MAPKAP1: variants seen among roughly 807,000 people sequenced by gnomAD.
MAPKAP1 encodes the protein target of rapamycin complex 2 subunit MAPKAP1.
Under a neutral mutation model 65.7 loss-of-function variants are expected in MAPKAP1, and 20 were observed. That is an observed-to-expected ratio of 0.30 (90% confidence interval 0.21 to 0.44). The LOEUF is 0.44. Ranked by LOEUF, MAPKAP1 falls within the 20% of genes least tolerant of loss-of-function variation. MAPKAP1 has a pLI of 1.00. For missense variants in MAPKAP1, 423 were observed against 648.0 expected, an observed-to-expected ratio of 0.65 and a Z score of 3.77; for synonymous variants, 222 against 244.3, an observed-to-expected ratio of 0.91 and a Z score of 0.85.
chr9:125,701,140 T>C (rs982184415), intron 1 of MAPKAP1, among the ~76,000 whole-genome samples: 8 of 152,190 alleles, frequency 5.3e-5, no homozygotes, highest in African/African-American at 1.9e-4. Context: ...AACAGAAAGC[T>C]TGGCATCCCG....
At chr9:125,487,470 C>T (rs186502612) in intron 8 of MAPKAP1, among the ~76,000 whole-genome samples, 12 of 152,180 alleles carry the variant, frequency 7.9e-5, no homozygotes, top group African/African-American at 2.9e-4. Flanking sequence ...TTCAAGTCAT[C>T]TTTTCTGAGA....
chr9:125,677,811 T>G (rs971924244), intron 1 of MAPKAP1, among the ~76,000 whole-genome samples: 1 of 152,244 alleles, frequency 6.6e-6, no homozygotes, highest in Non-Finnish European at 1.5e-5. Context: ...TCACACTTTT[T>G]AACACCACGT....
intron 7 of MAPKAP1, among the ~76,000 whole-genome samples, chr9:125,540,998 A>G (rs1363524762): frequency 6.6e-6 from 1 of 152,276 alleles, no homozygotes; most frequent in Non-Finnish European, 1.5e-5. Flanking sequence ...CAGACTTATT[A>G]AAGCTACAGA....
At chr9:125,526,701 T>G (rs1169591808) in intron 7 of MAPKAP1, among the ~76,000 whole-genome samples, 1 of 152,102 alleles carries the variant, frequency 6.6e-6, no homozygotes, top group Non-Finnish European at 1.5e-5. Flanking sequence ...CTCCAGAAGT[T>G]GAAAGTAAGA....
At chr9:125,639,644 T>C (rs946029518) in intron 4 of MAPKAP1, among the ~76,000 whole-genome samples, 11 of 152,152 alleles carry the variant, frequency 7.2e-5, no homozygotes, top group South Asian at 2.1e-4. Flanking sequence ...AAAGAGACGA[T>C]TGTTGTGGAA....
chr9:125,488,626 G>A (rs377020212), intron 8 of MAPKAP1, among the ~76,000 whole-genome samples: 7 of 152,302 alleles, frequency 4.6e-5, no homozygotes, highest in East Asian at 3.9e-4. Context: ...GATTACAGGC[G>A]TGAGCCACCG....
chr9:125,593,850 C>T (rs1382875470), intron 4 of MAPKAP1, among the ~76,000 whole-genome samples: 1 of 152,214 alleles, frequency 6.6e-6, no homozygotes, highest in African/African-American at 2.4e-5. Flanking sequence ...CTAGACTCAA[C>T]TTCATATCCC....
intron 4 of MAPKAP1, among the ~76,000 whole-genome samples, chr9:125,624,405 G>A (rs1356040152): frequency 5.4e-5 from 5 of 91,880 alleles, no homozygotes; most frequent in Non-Finnish European, 1.2e-4. Context: ...CCCCCATCCC[G>A]GCCAGCCGCC....
intron 4 of MAPKAP1, among the ~76,000 whole-genome samples, chr9:125,635,709 T>C (rs1833403904): frequency 6.6e-6 from 1 of 152,226 alleles, no homozygotes; most frequent in African/African-American, 2.4e-5. Flanking sequence ...CTAAATGATG[T>C]AAAGATGATT....
chr9:125,459,212 C>G (rs1305865367), intron 10 of MAPKAP1, among the ~76,000 whole-genome samples: 2 of 144,974 alleles, frequency 1.4e-5, no homozygotes, highest in Non-Finnish European at 3.0e-5. Context: ...ACATCTCAGA[C>G]GATGGGCGGC....
Position 125,506,366 on chromosome 9 carries a change from A to G in MAPKAP1, c.1010T>C (p.Leu337Pro), listed in dbSNP as rs762808326. 6 of 1,614,044 alleles carry G rather than the reference A, an allele frequency of 3.7e-6. No homozygotes were observed. Among genetic ancestry groups the G allele is most frequent in the Non-Finnish European group, 5.1e-6 (6 of 1,180,032 alleles). ...GCTCTGGCTCTCCAAAGTGCTGTCC[A>G]GGTCAACGGCGACATTGGGCTCGCT... is the stretch of plus-strand genomic sequence containing the variant. The part of the protein sequence containing the change: ...KQSEPNVAVD[L>P]DSTLESQSAW... The change falls in exon 8 of 12, where the codon CTG becomes CCG. Residue 337 changes from leucine (L) to proline (P), a missense_variant. Leu to Pro is a moderately conservative substitution (Grantham distance 98, BLOSUM62 -3). This residue lies in a region of MAPKAP1 where 185 missense variants were observed against 268.1 expected (regional missense o/e 0.69). Transcript: ENST00000265960.
At chr9:125,496,919 C>T (rs1854970556) in intron 8 of MAPKAP1, among the ~76,000 whole-genome samples, 2 of 152,074 alleles carry the variant, frequency 1.3e-5, no homozygotes, top group Non-Finnish European at 2.9e-5. Context: ...GCCACAGACA[C>T]CAGGATGCAG....
In MAPKAP1 at chr9:125,637,922, A is replaced by G. The variant is rs149579319; in HGVS notation, c.498+19729T>C. Among the ~76,000 whole-genome samples, 464 of 152,136 alleles carry G rather than the reference A, an allele frequency of 3.0e-3. 2 individuals are homozygous for G. Among genetic ancestry groups the G allele is most frequent in the African/African-American group, 4.5e-3 (186 of 41,500 alleles). On this transcript the variant is annotated intron_variant, in intron 4 of 11. Coordinates refer to ENST00000265960, the MANE Select transcript of MAPKAP1 (RefSeq NM_001006617.3). ...CAAGTAGCTGGGATTACAGGCATGC[A>G]CCACCACACCTGGCTAATTTTTGTG...
intron 4 of MAPKAP1, among the ~76,000 whole-genome samples, chr9:125,600,329 T>A (rs752720335): frequency 1.3e-5 from 2 of 152,160 alleles, no homozygotes; most frequent in Non-Finnish European, 2.9e-5. Flanking sequence ...ATAAGTTACA[T>A]TTGCTAGACT....
chr9:125,677,598 A>G (rs901533821), intron 1 of MAPKAP1, among the ~76,000 whole-genome samples: 4 of 152,110 alleles, frequency 2.6e-5, no homozygotes, highest in Admixed American at 2.6e-4. Flanking sequence ...CGGGAGGCTG[A>G]GGCATGAAAA....
intron 1 of MAPKAP1, among the ~76,000 whole-genome samples, chr9:125,686,000 G>C (rs1173453848): frequency 6.6e-6 from 1 of 152,154 alleles, no homozygotes; most frequent in African/African-American, 2.4e-5. Context: ...CCACTTACCT[G>C]GTCTTCAGGG....
chr9:125,451,780 C>G (rs922964574), intron 10 of MAPKAP1, among the ~76,000 whole-genome samples: 59 of 149,522 alleles, frequency 3.9e-4, no homozygotes, highest in African/African-American at 1.4e-3. Flanking sequence ...ATCATGTCTT[C>G]TGCAGATTCA....
At chr9:125,502,250 T>A (rs1039864455) in intron 8 of MAPKAP1, among the ~76,000 whole-genome samples, 1 of 151,994 alleles carries the variant, frequency 6.6e-6, no homozygotes, top group South Asian at 2.1e-4. Context: ...TACAGGCACT[T>A]ACCACCATGC....
At position 125,439,704 on chromosome 9, in the gene MAPKAP1, T is replaced by C. The variant is rs1197090109; in HGVS notation, c.1444-692A>G. On this transcript the variant is annotated intron_variant, in intron 11 of 11. Coordinates refer to ENST00000265960, the MANE Select transcript of MAPKAP1 (RefSeq NM_001006617.3). This position sits in a 1 kb window ranked among gnomAD's most constrained non-coding sequence, Gnocchi z 4.0. ...GCACGCTGCTGCTTCCACGAAGCCC[T>C]GGGAGTCTGCCCGGAGTCGCATGTG... 6.6e-6 allele frequency among the ~76,000 whole-genome samples: 1 copy of C among 152,254 alleles called. No homozygotes were observed. The highest frequency in any genetic ancestry group is 1.5e-5 in the Non-Finnish European group (1 of 68,044).
Sources: gnomAD v4.1 joint callset for allele counts (sites outside exome capture counted in the v4.1 genomes callset) on GRCh38, gnomAD v4.1.1 for gene constraint, gnomAD v4.1.1 regional missense constraint, Gnocchi (gnomAD v3.1) non-coding constraint, MANE v1.5 for transcripts, NCBI Gene and HGNC (gene_info 2026-07-23, HGNC 2026-07-21) for gene names.